PRRC2B: variants seen among roughly 807,000 people sequenced by gnomAD.
The protein encoded by PRRC2B is proline rich coiled-coil 2B, also known as protein PRRC2B.
PRRC2B carries 68 observed loss-of-function variants against 242.3 expected under a neutral mutation model. The ratio of observed to expected loss-of-function variants is 0.28; its 90% CI spans 0.23 to 0.34. The LOEUF is 0.34. Among genes scored for constraint, PRRC2B ranks in the 10% least tolerant of loss-of-function variants. The pLI, the probability that PRRC2B is intolerant of heterozygous loss-of-function variation, is 1.00. For missense variants in PRRC2B, 2,835 were observed against 2,954.8 expected (o/e 0.96, Z 0.94); for synonymous variants, 1,228 against 1,173.6 (o/e 1.05, Z -0.95).
At position 131,387,725 on chromosome 9, in the gene PRRC2B, C is replaced by T. The variant is rs147430534; in HGVS notation, c.-56+13994C>T. Reference sequence around the variant, plus strand: ...GAGCTCACTGCCCCTGTGCCACCACCGAGAGTGTGAAACCTGCCCAGCACT... The same window carrying T: ...GAGCTCACTGCCCCTGTGCCACCACTGAGAGTGTGAAACCTGCCCAGCACT... On this transcript the variant is annotated intron_variant, in intron 1 of 1. Coordinates refer to the PRRC2B transcript ENST00000682525. Among the ~76,000 whole-genome samples, 101 of 150,400 alleles carry T rather than the reference C, an allele frequency of 6.7e-4. 3 individuals carry two copies. The highest frequency in any genetic ancestry group is 2.3e-3 in the African/African-American group (94 of 41,306).
chr9:131,491,322 C>T, intron 28 of PRRC2B, 103 bp from the exon 29 acceptor site: 2 of 1,164,854 alleles, frequency 1.7e-6, no homozygotes, highest in South Asian at 3.4e-5. Flanking sequence ...TTTAGTTCTT[C>T]TGAAGTGTAT....
Position 131,481,762 on chromosome 9 carries a change from G to A in PRRC2B, c.4937G>A (p.Arg1646Lys), listed in dbSNP as rs866823202. 1 of 1,566,812 alleles carries A rather than the reference G, an allele frequency of 6.4e-7. No individual in the cohort carries two copies. Among genetic ancestry groups the A allele is most frequent in the Non-Finnish European group, 8.6e-7 (1 of 1,156,790 alleles). Reference sequence around the variant, plus strand: ...CAGGCCCCAGCCAACGACTCCTGGAGGAAAGCTGTCACTGCCTTCAGCAGC... The same window carrying A: ...CAGGCCCCAGCCAACGACTCCTGGAAGAAAGCTGTCACTGCCTTCAGCAGC... ...PVQAPANDSW[R>K]KAVTAFSSTE... The change falls in exon 20 of 32, where the codon AGG (arginine) becomes AAG (lysine). Residue 1646 changes from arginine (R) to lysine (K), a missense_variant. By Grantham distance (26) the Arg-to-Lys change is conservative (BLOSUM62 2). Transcript: ENST00000683519.
At chr9:131,481,322 A>G (rs1943858390) in intron 19 of PRRC2B, among the ~76,000 whole-genome samples, 1 of 151,230 alleles carries the variant, frequency 6.6e-6, no homozygotes, top group East Asian at 1.9e-4. Flanking sequence ...AAAAAAAAAA[A>G]AAAAAAAAAA....
intron 1 of PRRC2B, among the ~76,000 whole-genome samples, chr9:131,419,049 T>C (rs1339559655): frequency 6.6e-6 from 1 of 152,224 alleles, no homozygotes; most frequent in African/African-American, 2.4e-5. Flanking sequence ...TATATTTCTT[T>C]TGTTACTAAA....
Position 131,439,006 on chromosome 9 carries a change from A to G in PRRC2B, c.414A>G (p.Pro138=). 1 of 1,613,436 alleles carries G rather than the reference A, an allele frequency of 6.2e-7. No individual in the cohort carries two copies. Among genetic ancestry groups the G allele is most frequent in the Non-Finnish European group, 8.5e-7 (1 of 1,179,590 alleles). Residue 138 remains proline, a synonymous_variant, in exon 5 of 32, where the codon CCA becomes CCG. Transcript: ENST00000683519. ...TCTTTCAGAATACAAATTCAGTGCCAGGTGGACCAAAGTCATGGGCACAGC... is the reference window on the plus strand; with the variant it reads ...TCTTTCAGAATACAAATTCAGTGCCGGGTGGACCAAAGTCATGGGCACAGC... ...SISQENTNSV[P]GGPKSWAQLN...
rs1312838714 is a variant in PRRC2B at position 131,464,985 on chromosome 9, G to C, written c.1627G>C (p.Gly543Arg). 3 of 1,613,876 alleles carry C rather than the reference G, an allele frequency of 1.9e-6. No individual in the cohort carries two copies. Among genetic ancestry groups the C allele is most frequent in the Non-Finnish European group, 2.5e-6 (3 of 1,179,900 alleles). Residue 543 changes from glycine to arginine, a missense_variant, in exon 12 of 32, where the codon GGT becomes CGT. Gly to Arg is a moderately radical substitution (Grantham distance 125). Transcript: ENST00000683519. ...DQKCKQARKA[G>R]EARKQAEKEV... ...GAAGTGTAAGCAGGCACGAAAGGCA[G>C]GTGAGGCCCGGAAGCAGGCAGAGAA...
At position 131,487,195 on chromosome 9, in the gene PRRC2B, C is replaced by G; in HGVS notation, c.5885C>G (p.Ser1962Cys). Residue 1962 changes from serine (S) to cysteine (C), a missense_variant, in exon 27 of 32, where the codon TCC becomes TGC. This residue lies in a region of PRRC2B where 574 missense variants were observed against 626.0 expected (regional missense o/e 0.92). Coordinates refer to ENST00000683519, the MANE Select transcript of PRRC2B (RefSeq NM_013318.4). The surrounding 1 kb of genome is among the most constrained non-coding windows in gnomAD (Gnocchi z 5.3). ...QAAAAQQIPISLHTSLQAQAQ... is the reference protein window; with the variant it reads ...QAAAAQQIPICLHTSLQAQAQ... ...GCCGCTGCCCAGCAGATCCCGATCTCCCTTCACACATCTCTGCAGGCACAA... is the reference window on the plus strand; with the variant it reads ...GCCGCTGCCCAGCAGATCCCGATCTGCCTTCACACATCTCTGCAGGCACAA... The G allele has an allele frequency of 6.2e-7, 1 of 1,613,804 alleles. No homozygotes were observed. Among genetic ancestry groups the G allele is most frequent in the Non-Finnish European group, 8.5e-7 (1 of 1,179,746 alleles).
At position 131,385,729 on chromosome 9, in the gene PRRC2B, T is replaced by G. The variant is rs531845567; in HGVS notation, c.-56+11998T>G. 2.6e-3 allele frequency among the ~76,000 whole-genome samples: 392 copies of G among 150,716 alleles called. 21 individuals carry two copies. The highest frequency in any genetic ancestry group is 4.2e-3 in the Non-Finnish European group (285 of 67,604). On this transcript the variant is annotated intron_variant, in intron 1 of 1. Coordinates refer to the PRRC2B transcript ENST00000682525. ...TTTTTTTTGAGGCGGAGTCTCGCCT[T>G]GTCGCCCAGGCTGGAGTGCAGTGGT...
chr9:131,489,089 T>C, intron 28 of PRRC2B, among the ~76,000 whole-genome samples: 1 of 152,116 alleles, frequency 6.6e-6, no homozygotes, highest in East Asian at 1.9e-4. Context: ...TCCCAGTAGC[T>C]GTGGCTCTCG....
At position 131,394,112 on chromosome 9, in the gene PRRC2B, C is replaced by T. The variant is rs1836969677; in HGVS notation, c.-203C>T. On this transcript the variant is annotated 5_prime_UTR_variant, in exon 1 of 32. Coordinates refer to ENST00000683519, the MANE Select transcript of PRRC2B (RefSeq NM_013318.4). ...AGACAGGCGCCGAGGCTCCACCGCG[C>T]AGCGACGAGCGAGCCCGGGAGGAGG... 6.7e-6 allele frequency: 1 copy of T among 149,462 alleles called. No homozygotes were observed. Among genetic ancestry groups the T allele is most frequent in the African/African-American group, 2.4e-5 (1 of 41,010 alleles). 9.3% of individuals were successfully genotyped at this position (149,462 alleles called of 1,614,324 possible).
chr9:131,388,082 G>A (rs1027031480), intron 1 of PRRC2B, among the ~76,000 whole-genome samples: 1 of 149,506 alleles, frequency 6.7e-6, no homozygotes, highest in Admixed American at 7.0e-5. Context: ...AGGAGGCTGA[G>A]GCATGAGAAT....
At chr9:131,455,924 C>T (rs55776827) in intron 10 of PRRC2B, among the ~76,000 whole-genome samples, 1,530 of 152,058 alleles carry the variant, frequency 0.01, 23 homozygotes, top group Non-Finnish European at 0.013. Context: ...ACCAGCCTGC[C>T]CAAGATGGTG....
At chr9:131,432,881 C>A (rs1253724484) in intron 3 of PRRC2B, 87 bp downstream of exon 3, 1 of 1,358,050 alleles carries the variant, frequency 7.4e-7, no homozygotes, top group Non-Finnish European at 1.0e-6. Context: ...AACCCTAACC[C>A]TTTGGCTACT....
chr9:131,394,302 G>T (rs1227687959), intron 1 of PRRC2B, 39 bp downstream of exon 1: 1 of 146,754 alleles, frequency 6.8e-6, no homozygotes, highest in African/African-American at 2.5e-5. Context: ...GCGTGGGGGC[G>T]GCGGCGCTAA....
intron 3 of PRRC2B, among the ~76,000 whole-genome samples, chr9:131,434,077 T>C (rs757810071): frequency 3.3e-5 from 5 of 152,016 alleles, no homozygotes; most frequent in Non-Finnish European, 7.4e-5. Flanking sequence ...CCCCTTGAAA[T>C]AGGAATGATA....
intron 1 of PRRC2B, among the ~76,000 whole-genome samples, chr9:131,400,968 T>TC (rs1465123042): frequency 6.6e-6 from 1 of 151,242 alleles, no homozygotes; most frequent in Non-Finnish European, 1.5e-5. Context: ...TCTTTCTTTT[T>TC]TTTTTTTTTT....
chr9:131,455,103 A>G lies in PRRC2B; in HGVS notation c.1148A>G (p.Glu383Gly), dbSNP rs1286287068. Residue 383 changes from glutamate to glycine, a missense_variant, in exon 10 of 32, where the codon GAG becomes GGG. By Grantham distance (98) the Glu-to-Gly change is moderately conservative. Coordinates refer to ENST00000683519, the MANE Select transcript of PRRC2B (RefSeq NM_013318.4). ...AGLHEEVDYS[E>G]KLKFSDDEEE... Reference sequence around the variant, plus strand: ...CTCCATGAAGAAGTGGACTATTCTGAGAAACTGAAGTTCAGTGATGATGAA... The same window carrying G: ...CTCCATGAAGAAGTGGACTATTCTGGGAAACTGAAGTTCAGTGATGATGAA... 1.9e-6 allele frequency: 3 copies of G among 1,613,764 alleles called. No individual in the cohort carries two copies. The highest frequency in any genetic ancestry group is 2.5e-6 in the Non-Finnish European group (3 of 1,179,806).
intron 1 of PRRC2B, among the ~76,000 whole-genome samples, chr9:131,406,794 C>G (rs1443306136): frequency 6.6e-6 from 1 of 152,050 alleles, no homozygotes; most frequent in South Asian, 2.1e-4. Flanking sequence ...ACAATACAGG[C>G]GTGTCACAGT....
chr9:131,423,756 A>T (rs1837909746), intron 1 of PRRC2B, among the ~76,000 whole-genome samples: 1 of 152,190 alleles, frequency 6.6e-6, no homozygotes, highest in African/African-American at 2.4e-5. Context: ...AGGCTGGAAG[A>T]TTCTCCACTT....
Sources: allele counts gnomAD v4.1 joint callset (sites outside exome capture counted in the v4.1 genomes callset), GRCh38; gene constraint gnomAD v4.1.1; regional missense constraint gnomAD v4.1.1; non-coding constraint Gnocchi (gnomAD v3.1); transcripts MANE v1.5; gene names NCBI Gene and HGNC (gene_info 2026-07-23, HGNC 2026-07-21).